The following TAF2 variants were observed in gnomAD, a reference collection of about 807,000 sequenced individuals.
TAF2 encodes the protein TATA-box binding protein associated factor 2, also known as transcription initiation factor TFIID subunit 2.
In TAF2, 61 loss-of-function variants were observed where a neutral mutation model predicts 138.5. The observed-to-expected ratio is 0.44, with a 90% CI of 0.36 to 0.54. TAF2 has a LOEUF of 0.54. Among genes scored for constraint, TAF2 ranks in the 20% least tolerant of loss-of-function variants. The pLI, the probability that TAF2 is intolerant of heterozygous loss-of-function variation, is 0.00. For synonymous variants in TAF2, 475 were observed against 469.9 expected, an observed-to-expected ratio of 1.01 and a Z score of -0.14; for missense variants, 1,090 against 1,427.9, an observed-to-expected ratio of 0.76 and a Z score of 3.81.
At position 119,791,414 on chromosome 8, in the gene TAF2, C is replaced by G. The variant is rs11996390; in HGVS notation, c.1323G>C (p.Leu441=). 54 of 1,613,290 alleles carry G rather than the reference C, an allele frequency of 3.3e-5. No individual in the cohort carries two copies. The highest frequency in any genetic ancestry group is 4.4e-5 in the Non-Finnish European group (52 of 1,179,722). ...GAAACATACTGTAGTATTCCCAGGA[C>G]AGTGTATGTGGATGCTTTATTGAAA... ...LHFSIKHPHT[L]SWEYYSMFQC... The change falls in exon 11 of 26, where the codon CTG becomes CTC. Residue 441 remains leucine (L), a synonymous_variant. Transcript: ENST00000378164.
Position 119,791,375 on chromosome 8 carries a change from G to C in TAF2, c.1362C>G (p.His454Gln). The C allele has an allele frequency of 6.2e-7, 1 of 1,613,712 alleles. No individual in the cohort carries two copies. Among genetic ancestry groups the C allele is most frequent in the East Asian group, 2.2e-5 (1 of 44,804 alleles). Reference protein sequence around the residue: ...EYYSMFQCKAHLVMRLIENRI... With the variant: ...EYYSMFQCKAQLVMRLIENRI... ...TATTTTCAATCAATCTCATCACAAG[G>C]TGGGCTTTACACTGAAACATACTGT... is the stretch of plus-strand genomic sequence containing the variant. Residue 454 changes from histidine (H) to glutamine (Q), a missense_variant, in exon 11 of 26, where the codon CAC becomes CAG. Transcript: ENST00000378164.
chr8:119,782,220 C>G (rs1822714270), intron 16 of TAF2, among the ~76,000 whole-genome samples: 1 of 152,096 alleles, frequency 6.6e-6, no homozygotes, highest in African/African-American at 2.4e-5. Context: ...AAATACAGTG[C>G]TACTATTTAA....
At chr8:119,821,883 T>TA (rs988101209) in intron 2 of TAF2, among the ~76,000 whole-genome samples, 1 of 151,846 alleles carries the variant, frequency 6.6e-6, no homozygotes, top group African/African-American at 2.4e-5. Flanking sequence ...CATAAACTAT[T>TA]AAAAAATTAG....
intron 25 of TAF2, 90 bp downstream of exon 25, chr8:119,742,444 A>T (rs1455744043): frequency 2.0e-6 from 3 of 1,512,412 alleles, no homozygotes; most frequent in Non-Finnish European, 2.7e-6. Flanking sequence ...GTATTTTTAA[A>T]GGGTTTTTTA....
Position 119,803,900 on chromosome 8 carries a change from A to G in TAF2, c.538T>C (p.Cys180Arg). The G allele has an allele frequency of 6.2e-7, 1 of 1,613,892 alleles. No homozygotes were observed. Among genetic ancestry groups the G allele is most frequent in the Non-Finnish European group, 8.5e-7 (1 of 1,179,918 alleles). The stretch of plus-strand genomic sequence containing the variant: ...TACCTTGTAGAATTTTGATACCCAC[A>G]AGAGAAAACATGAGCACCTCTCTCT... ...MAERGAHVFSCGYQNSTRFWF... is the reference protein window; with the variant it reads ...MAERGAHVFSRGYQNSTRFWF... Residue 180 changes from cysteine (C) to arginine (R), a missense_variant, in exon 5 of 26, where the codon TGT (cysteine) becomes CGT (arginine). Coordinates refer to ENST00000378164, the MANE Select transcript of TAF2 (RefSeq NM_003184.4).
At chr8:119,768,314 C>G (rs1821583978) in intron 18 of TAF2, among the ~76,000 whole-genome samples, 1 of 152,212 alleles carries the variant, frequency 6.6e-6, no homozygotes, top group South Asian at 2.1e-4. Context: ...CTCGTCCAGT[C>G]CACTACCTCC....
chr8:119,801,435 C>CTT (rs112527778), intron 6 of TAF2, among the ~76,000 whole-genome samples: 2 of 139,696 alleles, frequency 1.4e-5, no homozygotes, highest in Non-Finnish European at 1.6e-5. Flanking sequence ...TAATATCTAC[C>CTT]TTTTTTTTTT....
intron 4 of TAF2, among the ~76,000 whole-genome samples, chr8:119,804,640 T>C (rs1406156474): frequency 1.3e-5 from 2 of 152,244 alleles, no homozygotes; most frequent in African/African-American, 4.8e-5. Flanking sequence ...TCTGCCAAGA[T>C]TGTGAGGTCT....
intron 18 of TAF2, among the ~76,000 whole-genome samples, chr8:119,772,058 T>C (rs1212510820): frequency 6.6e-6 from 1 of 151,704 alleles, no homozygotes; most frequent in Admixed American, 6.6e-5. Flanking sequence ...CATGAGCAAA[T>C]GGAAACTGAA....
At chr8:119,829,899 G>T (rs1403232184) in intron 2 of TAF2, among the ~76,000 whole-genome samples, 4 of 136,696 alleles carry the variant, frequency 2.9e-5, no homozygotes, top group Admixed American at 8.1e-5. Flanking sequence ...TTGCTCCGTC[G>T]CCCAGGCTGG....
intron 25 of TAF2, among the ~76,000 whole-genome samples, chr8:119,739,208 C>A (rs1236717849): frequency 6.6e-6 from 1 of 152,036 alleles, no homozygotes; most frequent in African/African-American, 2.4e-5. Flanking sequence ...CACTGCAATC[C>A]CTACAGTAAC....
rs1822937081 is a variant in TAF2 at position 119,785,220 on chromosome 8, T to C, written c.1840A>G (p.Met614Val). 6.2e-7 allele frequency: 1 copy of C among 1,612,882 alleles called. No homozygotes were observed. Among genetic ancestry groups the C allele is most frequent in the Non-Finnish European group, 8.5e-7 (1 of 1,179,132 alleles). ...IPLMNGEEVD[M>V]DLSAMDADSP... ...ACTTACTCCATTGCAGAAAGATCCATATCAACTTCTTCTCCATTCATCAGT... is the reference window on the plus strand; with the variant it reads ...ACTTACTCCATTGCAGAAAGATCCACATCAACTTCTTCTCCATTCATCAGT... The change falls in exon 15 of 26, where the codon ATG becomes GTG. Residue 614 changes from methionine to valine, a missense_variant. Met to Val is a conservative substitution (Grantham distance 21). Transcript: ENST00000378164.
intron 18 of TAF2, 24 bp downstream of exon 18, chr8:119,777,995 G>T (rs2131121097): frequency 8.1e-7 from 1 of 1,238,648 alleles, no homozygotes; most frequent in East Asian, 2.3e-5. Flanking sequence ...TGTTGTAGAA[G>T]ATTTAAAAAT....
intron 20 of TAF2, among the ~76,000 whole-genome samples, chr8:119,759,458 A>G (rs1015686212): frequency 2.0e-5 from 3 of 152,138 alleles, no homozygotes; most frequent in Non-Finnish European, 4.4e-5. Flanking sequence ...ACAGTCAGAT[A>G]AAAGTTTAGC....
At chr8:119,793,912 A>AG (rs1235127541) in intron 9 of TAF2, among the ~76,000 whole-genome samples, 1 of 107,910 alleles carries the variant, frequency 9.3e-6, no homozygotes, top group South Asian at 3.0e-4. Context: ...AGAAAAAAAA[A>AG]GGGGGGGTTG....
chr8:119,819,964 A>C (rs923582620), intron 2 of TAF2, among the ~76,000 whole-genome samples: 3 of 152,158 alleles, frequency 2.0e-5, no homozygotes, highest in African/African-American at 7.2e-5. Context: ...GTAAATTAGG[A>C]CAGGTAAAAC....
intron 25 of TAF2, 44 bp from the exon 26 acceptor site, chr8:119,732,230 G>C: frequency 6.3e-7 from 1 of 1,582,512 alleles, no homozygotes; most frequent in Non-Finnish European, 8.7e-7. Context: ...CTGATGATAC[G>C]GAAAGCCAGA....
chr8:119,818,511 T>C (rs1186891211), intron 3 of TAF2, among the ~76,000 whole-genome samples: 1 of 152,078 alleles, frequency 6.6e-6, no homozygotes. Flanking sequence ...TTTAAAGTAG[T>C]AGACATTTAA....
chr8:119,758,018 C>T (rs1820814689), intron 21 of TAF2, 55 bp downstream of exon 21: 3 of 1,407,602 alleles, frequency 2.1e-6, no homozygotes, highest in Non-Finnish European at 3.0e-6. Flanking sequence ...TCTGAAATTA[C>T]TCAGTTCACT....
Sources: gnomAD v4.1 joint callset for allele counts (sites outside exome capture counted in the v4.1 genomes callset) on GRCh38, gnomAD v4.1.1 for gene constraint, MANE v1.5 for transcripts, NCBI Gene and HGNC (gene_info 2026-07-23, HGNC 2026-07-21) for gene names.